SAMD12: variants seen among roughly 807,000 people sequenced by gnomAD.
The protein encoded by SAMD12 is sterile alpha motif domain containing 12.
Under a neutral mutation model 15.0 loss-of-function variants are expected in SAMD12, and 9 were observed. The ratio of observed to expected loss-of-function variants is 0.60; its 90% CI spans 0.36 to 1.05. The LOEUF (loss-of-function observed/expected upper bound fraction) is 1.05. Among genes scored for constraint, SAMD12 ranks in the 50% least tolerant of loss-of-function variants. The pLI is 0.01. For missense variants in SAMD12, 230 were observed against 234.2 expected, an observed-to-expected ratio of 0.98 and a Z score of 0.12; for synonymous variants, 86 against 90.1, an observed-to-expected ratio of 0.96 and a Z score of 0.25.
chr8:118,507,572 G>A (rs1374829115), intron 2 of SAMD12, among the ~76,000 whole-genome samples: 1 of 152,104 alleles, frequency 6.6e-6, no homozygotes, highest in Non-Finnish European at 1.5e-5. Context: ...GGATTCAAAT[G>A]CTGAACTATG....
chr8:118,464,103 C>T (rs1039297422), intron 2 of SAMD12, among the ~76,000 whole-genome samples: 1 of 152,056 alleles, frequency 6.6e-6, no homozygotes, highest in South Asian at 2.1e-4. Context: ...GCTGATCCTT[C>T]AATTATATAC....
the SAMD12 span, among the ~76,000 whole-genome samples, chr8:118,159,881 A>G: frequency 0.73 from 110,791 of 151,708 alleles, 42,017 homozygotes; most frequent in Non-Finnish European, 0.84. Context: ...CACCATGACC[A>G]GCTAATTTTT....
intron 4 of SAMD12, among the ~76,000 whole-genome samples, chr8:118,364,091 G>A (rs1431799263): frequency 2.0e-5 from 3 of 152,022 alleles, no homozygotes; most frequent in African/African-American, 7.2e-5. Context: ...TCCCCGAACC[G>A]ACCTTTTAGA....
chr8:118,260,776 G>A (rs1813059315), intron 4 of SAMD12, among the ~76,000 whole-genome samples: 1 of 151,960 alleles, frequency 6.6e-6, no homozygotes, highest in African/African-American at 2.4e-5. Context: ...CTTCATACTG[G>A]TCTCTCTCCA....
intron 4 of SAMD12, among the ~76,000 whole-genome samples, chr8:118,283,988 C>A (rs774688175): frequency 1.3e-5 from 2 of 152,168 alleles, no homozygotes; most frequent in Non-Finnish European, 1.5e-5. Flanking sequence ...GTATCACATT[C>A]TAGAAGGTGT....
intron 3 of SAMD12, among the ~76,000 whole-genome samples, chr8:118,387,072 C>G (rs557528128): frequency 2.0e-5 from 3 of 152,354 alleles, no homozygotes; most frequent in East Asian, 3.9e-4. Context: ...CAAGCAAATG[C>G]CTGTTGCTCC....
intron 2 of SAMD12, among the ~76,000 whole-genome samples, chr8:118,458,950 A>ATG (rs56067272): frequency 0.043 from 6,380 of 149,312 alleles, 156 homozygotes; most frequent in Middle Eastern, 0.062. Context: ...TCAGCTATAT[A>ATG]TGTGTGTGTG....
At chr8:118,279,364 AC>A (rs1813553125) in intron 4 of SAMD12, among the ~76,000 whole-genome samples, 1 of 152,184 alleles carries the variant, frequency 6.6e-6, no homozygotes, top group African/African-American at 2.4e-5. Flanking sequence ...AAAAAAAAAT[AC>A]CCTAACACCT....
chr8:118,143,973 G>A, the SAMD12 span, among the ~76,000 whole-genome samples: 9,546 of 152,202 alleles, frequency 0.063, 487 homozygotes, highest in Admixed American at 0.14. Flanking sequence ...GAAATCCAAA[G>A]TAAAGGTGTT....
intron 3 of SAMD12, among the ~76,000 whole-genome samples, chr8:118,389,195 A>C (rs1373567441): frequency 2.6e-5 from 4 of 152,232 alleles, no homozygotes; most frequent in African/African-American, 7.2e-5. Context: ...TCAAAAAGTT[A>C]ATCATCGGTA....
intron 4 of SAMD12, among the ~76,000 whole-genome samples, chr8:118,368,166 G>T (rs916876976): frequency 6.6e-6 from 1 of 152,156 alleles, no homozygotes; most frequent in Non-Finnish European, 1.5e-5. Flanking sequence ...TTCTGCAAGG[G>T]TGCGAAGATT....
intron 2 of SAMD12, among the ~76,000 whole-genome samples, chr8:118,451,283 T>C (rs1823073017): frequency 6.6e-6 from 1 of 152,206 alleles, no homozygotes; most frequent in Non-Finnish European, 1.5e-5. Context: ...TTTCCAGTGC[T>C]AGTTTGCTTC....
intron 4 of SAMD12, among the ~76,000 whole-genome samples, chr8:118,299,868 T>A (rs1684775405): frequency 6.6e-6 from 1 of 152,064 alleles, no homozygotes; most frequent in Non-Finnish European, 1.5e-5. Context: ...AATGGTAGAT[T>A]GATTCATTCT....
intron 4 of SAMD12, among the ~76,000 whole-genome samples, chr8:118,216,986 C>T (rs1375910539): frequency 2.0e-5 from 3 of 152,184 alleles, no homozygotes; most frequent in Non-Finnish European, 2.9e-5. Context: ...CGTTTAGGCC[C>T]TTGTGGTGTC....
intron 3 of SAMD12, among the ~76,000 whole-genome samples, chr8:118,387,130 G>A (rs559787948): frequency 6.5e-4 from 99 of 152,314 alleles, no homozygotes; most frequent in Middle Eastern, 3.4e-3. Flanking sequence ...CATACAACCA[G>A]TGTCCCCTAG....
At chr8:118,346,487 T>A (rs1817662278) in intron 4 of SAMD12, among the ~76,000 whole-genome samples, 1 of 152,214 alleles carries the variant, frequency 6.6e-6, no homozygotes, top group South Asian at 2.1e-4. Flanking sequence ...AAGCCCAGAA[T>A]AATTATGTGG....
At chr8:118,254,866 C>T (rs11562789) in intron 4 of SAMD12, among the ~76,000 whole-genome samples, 5,872 of 151,994 alleles carry the variant, frequency 0.039, 318 homozygotes, top group African/African-American at 0.12. Context: ...ACTTGCTCAC[C>T]CATTCCCTAA....
chr8:118,287,244 C>T (rs897356211), intron 4 of SAMD12, among the ~76,000 whole-genome samples: 2 of 151,778 alleles, frequency 1.3e-5, no homozygotes, highest in African/African-American at 2.4e-5. Context: ...CCTGCCTCAG[C>T]CTTCCGAGTA....
chr8:118,488,023 T>C (rs1824336214), intron 2 of SAMD12, among the ~76,000 whole-genome samples: 1 of 152,130 alleles, frequency 6.6e-6, no homozygotes. Context: ...GAAAGTATGC[T>C]TACTTCCATA....
Sources: allele counts gnomAD v4.1 joint callset (sites outside exome capture counted in the v4.1 genomes callset), GRCh38; gene constraint gnomAD v4.1.1; transcripts MANE v1.5; gene names NCBI Gene and HGNC (gene_info 2026-07-23, HGNC 2026-07-21).